Variants in MAP4 observed in about 807,000 individuals in gnomAD.
MAP4 encodes the protein microtubule associated protein 4, also known as microtubule-associated protein 4.
Under a neutral mutation model 170.2 loss-of-function variants are expected in MAP4, and 76 were observed. That is an observed-to-expected ratio of 0.45 (90% CI 0.37 to 0.54). The LOEUF is 0.54. MAP4 is among the 20% of genes least tolerant of loss of function. The pLI is 0.00. For missense variants in MAP4, 2,506 were observed against 2,748.0 expected, an observed-to-expected ratio of 0.91 and a Z score of 1.97; for synonymous variants, 909 against 994.5, an observed-to-expected ratio of 0.91 and a Z score of 1.62.
At chr3:48,023,865 G>T (rs938923182) in intron 1 of MAP4, among the ~76,000 whole-genome samples, 1 of 152,132 alleles carries the variant, frequency 6.6e-6, no homozygotes, top group African/African-American at 2.4e-5. Context: ...GCAGGGGTTG[G>T]GGGGAGACCC....
At chr3:47,906,566 C>G (rs186913680) in intron 9 of MAP4, among the ~76,000 whole-genome samples, 235 of 151,612 alleles carry the variant, frequency 1.6e-3, no homozygotes, top group Non-Finnish European at 2.6e-3. Flanking sequence ...GCCTGTAATC[C>G]CAGCTACTCG....
At position 47,998,704 on chromosome 3, in the gene MAP4, C is replaced by T. The variant is rs190324918; in HGVS notation, c.157G>A (p.Val53Ile). 19 of 1,614,150 alleles carry T rather than the reference C, an allele frequency of 1.2e-5. No individual in the cohort carries two copies. The African/African-American group carries it at 2.4e-4, about 20-fold the overall frequency. ...GKTDYIPLLD[V>I]DEKTGNSESK... ...TCTGAGTTCCCGGTTTTCTCATCAA[C>T]ATCCAGGAGAGGAATATAGTCTGTT... Residue 53 changes from valine to isoleucine, a missense_variant, in exon 2 of 21, where the codon GTT (valine) becomes ATT (isoleucine). Transcript: ENST00000683076.
At chr3:48,059,893 T>C (rs1001295761) in intron 1 of MAP4, among the ~76,000 whole-genome samples, 5 of 151,938 alleles carry the variant, frequency 3.3e-5, no homozygotes, top group South Asian at 2.1e-4. Context: ...GGCAGGAGAA[T>C]TGCTTGAACC....
At chr3:47,958,159 G>GC (rs1440600932) in intron 3 of MAP4, among the ~76,000 whole-genome samples, 2 of 152,186 alleles carry the variant, frequency 1.3e-5, no homozygotes, top group Non-Finnish European at 2.9e-5. Context: ...CACAGTGAAA[G>GC]CAAGGAGGAC....
chr3:47,884,722 A>T (rs2152819989), intron 10 of MAP4, among the ~76,000 whole-genome samples: 1 of 152,238 alleles, frequency 6.6e-6, no homozygotes, highest in East Asian at 1.9e-4. Context: ...CCTGGGACCC[A>T]GGCAGACCTC....
At chr3:48,022,374 C>T (rs2100110993) in intron 1 of MAP4, among the ~76,000 whole-genome samples, 1 of 152,056 alleles carries the variant, frequency 6.6e-6, no homozygotes, top group South Asian at 2.1e-4. Context: ...TGAATACAGC[C>T]TCGGCAAGGT....
rs575402758 is a variant in MAP4 at position 47,852,456 on chromosome 3, G to A, written c.*478C>T. On this transcript the variant is annotated 3_prime_UTR_variant, in exon 21 of 21. Coordinates refer to ENST00000683076, the MANE Select transcript of MAP4 (RefSeq NM_001385682.1). ...CACGGTCAGCGTCCTGTCACCACTC[G>A]GAATCCACCTCCACTCTTCCCTCCA... is the stretch of plus-strand genomic sequence containing the variant. 25 of 282,542 alleles carry A rather than the reference G, an allele frequency of 8.8e-5. No homozygotes were observed. Among genetic ancestry groups the A allele is most frequent in the Non-Finnish European group, 1.5e-4 (22 of 150,284 alleles). 17.5% of individuals were successfully genotyped at this position (282,542 alleles called of 1,614,324 possible). A position where few individuals can be genotyped will look rare whatever the true frequency, so the allele number is the denominator to read the frequency against.
intron 4 of MAP4, 89 bp from the exon 5 acceptor site, chr3:47,921,967 A>G (rs1408676246): frequency 1.5e-6 from 1 of 684,572 alleles, no homozygotes; most frequent in Middle Eastern, 2.7e-4. Context: ...TTTTTTTTTG[A>G]GGTGGAGTCT....
In MAP4 at chr3:47,916,670, A is replaced by G. The variant is rs778414156; in HGVS notation, c.1157T>C (p.Ile386Thr). 19 of 1,613,962 alleles carry G rather than the reference A, an allele frequency of 1.2e-5. No homozygotes were observed. In the South Asian group the frequency reaches 2.0e-4, roughly 17 times the overall value. ...NKKETERASP[I>T]KMDLAPSKDM... ...CTTGGAAGGAGCCAAGTCCATTTTT[A>G]TAGGAGATGCCCTCTCTGTTTCTTT... is the stretch of plus-strand genomic sequence containing the variant. The change falls in exon 7 of 21, where the codon ATA (isoleucine) becomes ACA (threonine). Residue 386 changes from isoleucine to threonine, a missense_variant. Transcript: ENST00000683076.
chr3:48,075,989 A>G (rs1404996049), intron 1 of MAP4, among the ~76,000 whole-genome samples: 3 of 151,486 alleles, frequency 2.0e-5, no homozygotes, highest in African/African-American at 4.8e-5. Context: ...AAAAAAAAAA[A>G]AAAGAAACAA....
At chr3:47,883,908 C>CT (rs564660824) in intron 10 of MAP4, among the ~76,000 whole-genome samples, 60 of 151,940 alleles carry the variant, frequency 3.9e-4, no homozygotes, top group East Asian at 2.3e-3. Flanking sequence ...TATCTCTTTG[C>CT]TTTTTTTACA....
intron 10 of MAP4, chr3:47,892,020 T>TGGTC: frequency 6.5e-6 from 10 of 1,536,312 alleles, no homozygotes; most frequent in Non-Finnish European, 8.7e-6. Flanking sequence ...GACTGGCTCT[T>TGGTC]GGTCTCTAGT....
intron 18 of MAP4, among the ~76,000 whole-genome samples, chr3:47,856,047 G>A (rs2055440037): frequency 6.6e-6 from 1 of 152,230 alleles, no homozygotes; most frequent in East Asian, 1.9e-4. Flanking sequence ...AAAGTGGTCT[G>A]AACTCACGCC....
At chr3:47,939,003 C>T (rs902322437) in intron 3 of MAP4, among the ~76,000 whole-genome samples, 8 of 152,234 alleles carry the variant, frequency 5.3e-5, no homozygotes, top group Admixed American at 4.6e-4. Context: ...ACTACTCCAA[C>T]AGGAAAGTCA....
rs1477777242 is a variant in MAP4, at chr3:47,891,871, C to T, written c.5434+11079G>A. 2.6e-6 allele frequency: 4 copies of T among 1,536,042 alleles called. No homozygotes were observed. In the African/African-American group the frequency reaches 4.1e-5, roughly 16 times the overall value. On this transcript the variant is annotated intron_variant, in intron 10 of 20. Transcript: ENST00000683076. ...CTGGGCAGCCAGGGGTGATGCTATT[C>T]TCCATCTCTCCCGGAGTTGCTTCCC...
At chr3:48,009,159 G>A (rs1171536477) in intron 1 of MAP4, among the ~76,000 whole-genome samples, 1 of 152,100 alleles carries the variant, frequency 6.6e-6, no homozygotes, top group Non-Finnish European at 1.5e-5. Context: ...GGAGTGCAGT[G>A]GCACAATCTT....
At chr3:47,933,774 G>A (rs924073022) in intron 3 of MAP4, among the ~76,000 whole-genome samples, 2 of 151,892 alleles carry the variant, frequency 1.3e-5, no homozygotes, top group Admixed American at 1.3e-4. Flanking sequence ...CTAATTTTTT[G>A]TATTTTTAGT....
chr3:48,069,445 T>C (rs192685507), intron 1 of MAP4, among the ~76,000 whole-genome samples: 149 of 152,298 alleles, frequency 9.8e-4, no homozygotes, highest in Admixed American at 2.1e-3. Flanking sequence ...CCTTGGTCTT[T>C]TGACACTCAG....
At chr3:47,966,309 G>A (rs907422535) in intron 3 of MAP4, among the ~76,000 whole-genome samples, 15 of 133,772 alleles carry the variant, frequency 1.1e-4, no homozygotes, top group African/African-American at 2.6e-4. Flanking sequence ...GTGCAGTGGC[G>A]CAATCTTGGC....
Sources: allele counts gnomAD v4.1 joint callset (sites outside exome capture counted in the v4.1 genomes callset), GRCh38; gene constraint gnomAD v4.1.1; transcripts MANE v1.5; gene names NCBI Gene and HGNC (gene_info 2026-07-23, HGNC 2026-07-21).